BEND3: variants seen among roughly 807,000 people sequenced by gnomAD.
The protein encoded by BEND3 is BEN domain containing 3.
A neutral mutation model predicts 60.1 loss-of-function variants in BEND3; 13 were observed. The ratio of observed to expected loss-of-function variants is 0.22; its 90% CI spans 0.14 to 0.34. The LOEUF (loss-of-function observed/expected upper bound fraction) is 0.34, where lower values mean the gene tolerates loss of function less well. Among genes scored for constraint, BEND3 ranks in the 10% least tolerant of loss-of-function variants. BEND3 has a pLI of 1.00. For missense variants in BEND3, 896 were observed against 1,138.1 expected, an observed-to-expected ratio of 0.79 and a Z score of 3.06; for synonymous variants, 497 against 491.5, an observed-to-expected ratio of 1.01 and a Z score of -0.15.
At chr6:107,099,662 T>C (rs1775664441) in intron 1 of BEND3, among the ~76,000 whole-genome samples, 2 of 152,064 alleles carry the variant, frequency 1.3e-5, no homozygotes, top group Non-Finnish European at 2.9e-5. Context: ...ACAAAACAAA[T>C]AGGCTGAAGG....
intron 3 of BEND3, among the ~76,000 whole-genome samples, chr6:107,086,514 C>T (rs1325678623): frequency 6.6e-6 from 1 of 151,962 alleles, no homozygotes; most frequent in Non-Finnish European, 1.5e-5. Context: ...ACTTGGGAGG[C>T]TGAGGCAGGA....
intron 1 of BEND3, among the ~76,000 whole-genome samples, chr6:107,104,506 C>T (rs568618642): frequency 1.3e-5 from 2 of 152,220 alleles, no homozygotes; most frequent in East Asian, 3.9e-4. Flanking sequence ...CACAGATGTT[C>T]AAGTCCCTGA....
chr6:107,091,455 T>C (rs1775473200), intron 3 of BEND3, among the ~76,000 whole-genome samples: 1 of 152,094 alleles, frequency 6.6e-6, no homozygotes, highest in Non-Finnish European at 1.5e-5. Context: ...CACAAATTAG[T>C]AATATCAGAA....
At chr6:107,094,200 T>C (rs1554235635) in intron 3 of BEND3, among the ~76,000 whole-genome samples, 1 of 151,712 alleles carries the variant, frequency 6.6e-6, no homozygotes, top group Non-Finnish European at 1.5e-5. Flanking sequence ...AGCAAGATGC[T>C]ATCTCTATAA....
rs9486524 is a variant in BEND3 at position 107,097,816 on chromosome 6, C to A, written c.240+735G>T. Among the ~76,000 whole-genome samples the A allele has an allele frequency of 5.9e-3, 661 of 112,512 alleles. 2 individuals carry two copies. Among genetic ancestry groups the A allele is most frequent in the Middle Eastern group, 0.017 (3 of 178 alleles). The allele number at this position is 112,512 out of a possible 152,430, so 73.8% of individuals were successfully genotyped here. On this transcript the variant is annotated intron_variant, in intron 3 of 3. Coordinates refer to ENST00000369042, the MANE Select transcript of BEND3 (RefSeq NM_001367314.1). ...AAAAAAAAAAAAAAAAAAAAAAAAA[C>A]CCCAACAAACCTATCACTCAGTGTT...
intron 3 of BEND3, among the ~76,000 whole-genome samples, chr6:107,085,939 A>T (rs1775337609): frequency 6.6e-6 from 1 of 150,562 alleles, no homozygotes; most frequent in Admixed American, 6.6e-5. Context: ...GGTGTCCACC[A>T]CCACACCCAG....
In BEND3 at chr6:107,068,983, C is replaced by A; in HGVS notation, c.2208G>T (p.Val736=). ...VREIVQQSLS[V]GNFAARLLVR... is the part of the protein sequence containing the mutation. ...CGAGGAGCCGGGCGGCAAAGTTGCC[C>A]ACGGAGAGGCTCTGCTGCACGATCT... Residue 736 remains valine, a synonymous_variant, in exon 4 of 4, where the codon GTG becomes GTT. Coordinates refer to ENST00000369042, the MANE Select transcript of BEND3 (RefSeq NM_001367314.1). The surrounding 1 kb of genome is among the most constrained non-coding windows in gnomAD (Gnocchi z 5.8). 1 of 1,613,776 alleles carries A rather than the reference C, an allele frequency of 6.2e-7. No homozygotes were observed. Among genetic ancestry groups the A allele is most frequent in the Non-Finnish European group, 8.5e-7 (1 of 1,180,014 alleles).
chr6:107,087,969 T>TAAA (rs71012767), intron 3 of BEND3, among the ~76,000 whole-genome samples: 1,976 of 121,562 alleles, frequency 0.016, 35 homozygotes, highest in African/African-American at 0.035. Context: ...AGGCTAGTGA[T>TAAA]AAAAAAAAAA....
chr6:107,073,490 A>C (rs1393607391), intron 3 of BEND3, among the ~76,000 whole-genome samples: 2 of 151,866 alleles, frequency 1.3e-5, no homozygotes, highest in Non-Finnish European at 2.9e-5. Context: ...GTTGTTCCTG[A>C]GTCTATCCCC....
chr6:107,106,457 G>A (rs1775816787), intron 1 of BEND3, among the ~76,000 whole-genome samples: 2 of 152,170 alleles, frequency 1.3e-5, no homozygotes, highest in South Asian at 2.1e-4. Flanking sequence ...CTGTGAGCTG[G>A]GTGCAGGTGC....
intron 1 of BEND3, among the ~76,000 whole-genome samples, chr6:107,110,977 A>G (rs1038353564): frequency 2.0e-5 from 3 of 151,996 alleles, no homozygotes; most frequent in Non-Finnish European, 2.9e-5. Context: ...CAGCCTGGCC[A>G]ACATGGTGAA....
intron 1 of BEND3, among the ~76,000 whole-genome samples, chr6:107,104,002 A>G (rs1238982932): frequency 1.3e-5 from 2 of 151,340 alleles, no homozygotes; most frequent in Non-Finnish European, 2.9e-5. Context: ...AACAAAGAAA[A>G]AAGAGAAGGC....
At chr6:107,089,855 A>G (rs550598284) in intron 3 of BEND3, among the ~76,000 whole-genome samples, 33 of 151,290 alleles carry the variant, frequency 2.2e-4, no homozygotes, top group Admixed American at 5.9e-4. Context: ...TCAGCCTCCC[A>G]AAGTGCTGGG....
Position 107,070,835 on chromosome 6 carries a change from C to T in BEND3, c.356G>A (p.Cys119Tyr). Residue 119 changes from cysteine (C) to tyrosine (Y), a missense_variant, in exon 4 of 4, where the codon TGC (cysteine) becomes TAC (tyrosine). Physicochemically the swap from Cys to Tyr is radical, Grantham distance 194 (BLOSUM62 -2). Coordinates refer to ENST00000369042, the MANE Select transcript of BEND3 (RefSeq NM_001367314.1). The surrounding 1 kb of genome is among the most constrained non-coding windows in gnomAD (Gnocchi z 6.9). ...GNVWPGEEEP[C>Y]NDATTPSYKK... Reference sequence around the variant, plus strand: ...GTAGGAAGGGGTGGTGGCATCGTTGCAGGGCTCCTCCTCTCCAGGCCACAC... The same window carrying T: ...GTAGGAAGGGGTGGTGGCATCGTTGTAGGGCTCCTCCTCTCCAGGCCACAC... The T allele has an allele frequency of 6.2e-7, 1 of 1,613,954 alleles. No homozygotes were observed. The highest frequency in any genetic ancestry group is 1.1e-5 in the South Asian group (1 of 91,086).
In BEND3 at chr6:107,068,002, C is replaced by T. The variant is rs1554231100; in HGVS notation, c.*702G>A. The T allele has an allele frequency of 6.6e-6, 1 of 152,214 alleles. No individual in the cohort carries two copies. 9.4% of individuals were successfully genotyped at this position (152,214 alleles called of 1,614,324 possible). Reference sequence around the variant, plus strand: ...GCCTAAAGAGTGACACAACATTCTACCAACGCGCCTGAAGGACAGGCCAAG... The same window carrying T: ...GCCTAAAGAGTGACACAACATTCTATCAACGCGCCTGAAGGACAGGCCAAG... On this transcript the variant is annotated 3_prime_UTR_variant, in exon 4 of 4. Coordinates refer to ENST00000369042, the MANE Select transcript of BEND3 (RefSeq NM_001367314.1). This position sits in a 1 kb window ranked among gnomAD's most constrained non-coding sequence, Gnocchi z 5.8.
chr6:107,077,051 T>G (rs1775115640), intron 3 of BEND3, among the ~76,000 whole-genome samples: 1 of 151,958 alleles, frequency 6.6e-6, no homozygotes, highest in African/African-American at 2.4e-5. Context: ...CTGTACTTAT[T>G]TTTCTATCCT....
At chr6:107,074,092 T>C (rs1274861073) in intron 3 of BEND3, among the ~76,000 whole-genome samples, 1 of 152,108 alleles carries the variant, frequency 6.6e-6, no homozygotes, top group Non-Finnish European at 1.5e-5. Flanking sequence ...CACACAGCAC[T>C]GAGTCTATCT....
chr6:107,082,387 C>T (rs566287820), intron 3 of BEND3, among the ~76,000 whole-genome samples: 31 of 152,168 alleles, frequency 2.0e-4, no homozygotes, highest in Non-Finnish European at 3.2e-4. Flanking sequence ...ATCAGAACCA[C>T]CAGCTGGTCC....
At chr6:107,113,470 G>C (rs1770170784) in intron 1 of BEND3, among the ~76,000 whole-genome samples, 1 of 138,308 alleles carries the variant, frequency 7.2e-6, no homozygotes, top group Non-Finnish European at 1.5e-5. Context: ...AAAAACTCAT[G>C]TTCCATGACA....
Sources: gnomAD v4.1 joint callset for allele counts (sites outside exome capture counted in the v4.1 genomes callset) on GRCh38, gnomAD v4.1.1 for gene constraint, Gnocchi (gnomAD v3.1) non-coding constraint, MANE v1.5 for transcripts, NCBI Gene and HGNC (gene_info 2026-07-23, HGNC 2026-07-21) for gene names.